EXTL3: variants seen among roughly 807,000 people sequenced by gnomAD.
EXTL3 encodes exostosin like glycosyltransferase 3, also known as exostosin-like 3.
In EXTL3, 27 loss-of-function variants were observed where a neutral mutation model predicts 69.3. The ratio of observed to expected loss-of-function variants is 0.39; its 90% CI spans 0.29 to 0.54. EXTL3 has a LOEUF of 0.54. EXTL3 is among the 20% of genes least tolerant of loss of function. The pLI is 0.69. For missense variants in EXTL3, 1,003 were observed against 1,231.8 expected, an observed-to-expected ratio of 0.81 and a Z score of 2.78; for synonymous variants, 511 against 499.4, an observed-to-expected ratio of 1.02 and a Z score of -0.31.
intron 2 of EXTL3, among the ~76,000 whole-genome samples, chr8:28,608,309 G>C (rs1159904160): frequency 6.6e-6 from 1 of 151,982 alleles, no homozygotes; most frequent in African/African-American, 2.4e-5. Flanking sequence ...TAGTGAGCTT[G>C]TGCATTTAGG....
At chr8:28,683,679 A>G (rs1403559255) in intron 1 of EXTL3, among the ~76,000 whole-genome samples, 4 of 152,134 alleles carry the variant, frequency 2.6e-5, no homozygotes, top group Non-Finnish European at 2.9e-5. Flanking sequence ...GCGTAGTGGC[A>G]CGCGCCTGTA....
chr8:28,724,639 A>G lies in EXTL3; in HGVS notation c.2148+6432A>G, dbSNP rs574392999. 5.9e-5 allele frequency among the ~76,000 whole-genome samples: 9 copies of G among 152,122 alleles called. No homozygotes were observed. The South Asian group carries it at 1.7e-3, about 28-fold the overall frequency. ...AAAAAGAAGAAGAAAAAAAGAAAAAAAAATACAAAAATTAGCCAGGTGCAG... is the reference window on the plus strand; with the variant it reads ...AAAAAGAAGAAGAAAAAAAGAAAAAGAAATACAAAAATTAGCCAGGTGCAG... On this transcript the variant is annotated intron_variant, in intron 3 of 6. Transcript: ENST00000220562.
chr8:28,723,649 T>G lies in EXTL3; in HGVS notation c.2148+5442T>G, dbSNP rs1270798315. ...ATGAGGGCTCAGGACTGTTTTTTTTTTTTTTTTTTTGAGACAGAGTCTCAC... is the reference window on the plus strand; with the variant it reads ...ATGAGGGCTCAGGACTGTTTTTTTTGTTTTTTTTTTGAGACAGAGTCTCAC... On this transcript the variant is annotated intron_variant, in intron 3 of 6. Transcript: ENST00000220562. 2.6e-5 allele frequency among the ~76,000 whole-genome samples: 4 copies of G among 151,020 alleles called. No homozygotes were observed. In the East Asian group the frequency reaches 7.8e-4, roughly 29 times the overall value.
At chr8:28,654,794 A>G (rs1806979931) in intron 1 of EXTL3, among the ~76,000 whole-genome samples, 1 of 152,204 alleles carries the variant, frequency 6.6e-6, no homozygotes, top group African/African-American at 2.4e-5. Context: ...GTAATTCTGC[A>G]AACATTCAAA....
At chr8:28,686,893 C>A (rs1351905955) in intron 1 of EXTL3, among the ~76,000 whole-genome samples, 1 of 152,150 alleles carries the variant, frequency 6.6e-6, no homozygotes, top group Non-Finnish European at 1.5e-5. Context: ...GAGGTTAAGT[C>A]ACTTGACCAA....
intron 1 of EXTL3, among the ~76,000 whole-genome samples, chr8:28,673,599 ATGG>A (rs778318338): frequency 0.016 from 2,378 of 152,268 alleles, 33 homozygotes; most frequent in Middle Eastern, 0.027. Context: ...AAGGCTGGTC[ATGG>A]GACTTACTAT....
chr8:28,693,203 G>A (rs1290905086), intron 1 of EXTL3, among the ~76,000 whole-genome samples: 1 of 148,862 alleles, frequency 6.7e-6, no homozygotes, highest in African/African-American at 2.5e-5. Flanking sequence ...AGGCTGGAGT[G>A]CAATGGCATA....
At chr8:28,638,363 C>T (rs1046978243) in intron 1 of EXTL3, among the ~76,000 whole-genome samples, 1 of 152,200 alleles carries the variant, frequency 6.6e-6, no homozygotes, top group African/African-American at 2.4e-5. Context: ...AAAGGAAATG[C>T]ATTATTTCAT....
At chr8:28,683,957 G>C (rs987164853) in intron 1 of EXTL3, among the ~76,000 whole-genome samples, 1 of 151,472 alleles carries the variant, frequency 6.6e-6, no homozygotes, top group Non-Finnish European at 1.5e-5. Context: ...GGTAACCATT[G>C]TTGTTCTACT....
chr8:28,702,450 G>A lies in EXTL3; in HGVS notation c.-570+791G>A, dbSNP rs569247614. On this transcript the variant is annotated intron_variant, in intron 1 of 6. Coordinates refer to ENST00000220562, the MANE Select transcript of EXTL3 (RefSeq NM_001440.4). ...GGCGAGCCAGGGCTGCCCGGCTGCT[G>A]ATGGGTGCTGCTTTCTCTTCCCCAC... Among the ~76,000 whole-genome samples the A allele has an allele frequency of 4.6e-5, 7 of 152,358 alleles. No individual in the cohort carries two copies. In the East Asian group the frequency reaches 1.3e-3, roughly 29 times the overall value.
intron 1 of EXTL3, among the ~76,000 whole-genome samples, chr8:28,627,333 T>C (rs908042252): frequency 6.6e-6 from 1 of 151,890 alleles, no homozygotes; most frequent in Non-Finnish European, 1.5e-5. Context: ...TACAAAAATA[T>C]ACAAAAATTA....
chr8:28,722,751 G>A (rs1242767399), intron 3 of EXTL3, among the ~76,000 whole-genome samples: 1 of 148,932 alleles, frequency 6.7e-6, no homozygotes, highest in Non-Finnish European at 1.5e-5. Flanking sequence ...TCCAGCCTGG[G>A]TGATAGAGGG....
intron 1 of EXTL3, among the ~76,000 whole-genome samples, chr8:28,695,429 A>G (rs1800671646): frequency 6.6e-6 from 1 of 152,222 alleles, no homozygotes; most frequent in African/African-American, 2.4e-5. Context: ...GTAAGGCTAC[A>G]TAAGCAATCA....
intron 3 of EXTL3, among the ~76,000 whole-genome samples, chr8:28,724,754 C>T (rs921273836): frequency 5.3e-5 from 8 of 152,116 alleles, no homozygotes; most frequent in African/African-American, 1.9e-4. Context: ...GAGCCGAGAT[C>T]GTGCCACTGC....
In EXTL3 at chr8:28,743,304, C is replaced by CA. The variant is rs1801817980; in HGVS notation, c.2550+91dup. Reference sequence around the variant, plus strand: ...TGCAGCACGTAACTGCACTGTACCTCAGAGTCCTCATTTGTACAATAGGGA... The same window carrying CA: ...TGCAGCACGTAACTGCACTGTACCTCAAGAGTCCTCATTTGTACAATAGGGA... On this transcript the variant is annotated intron_variant, in intron 6 of 6. Transcript: ENST00000220562. 2.1e-6 allele frequency: 3 copies of CA among 1,411,332 alleles called. No homozygotes were observed. In the Admixed American group the frequency reaches 5.0e-5, roughly 24 times the overall value. 87.4% of individuals were successfully genotyped at this position (1,411,332 alleles called of 1,614,324 possible).
chr8:28,647,530 G>A (rs929012429), intron 1 of EXTL3, among the ~76,000 whole-genome samples: 6 of 152,136 alleles, frequency 3.9e-5, no homozygotes, highest in Non-Finnish European at 7.3e-5. Context: ...CATCAGAGAG[G>A]TTATGTTAAG....
intron 1 of EXTL3, among the ~76,000 whole-genome samples, chr8:28,706,296 G>T (rs76969293): frequency 0.015 from 2,211 of 152,156 alleles, 44 homozygotes; most frequent in African/African-American, 0.051. Flanking sequence ...TCTTACAAAT[G>T]GCAAATTACT....
rs1350913218 is a variant in EXTL3, at chr8:28,752,109, A to G, written c.*1243A>G. On this transcript the variant is annotated 3_prime_UTR_variant, in exon 7 of 7. Coordinates refer to ENST00000220562, the MANE Select transcript of EXTL3 (RefSeq NM_001440.4). ...CCGAGGTTTGGTATGTGCTAGAACA[A>G]TGGGAGGCTGTGATTTGCTGTGTAA... 1.3e-5 allele frequency: 2 copies of G among 152,342 alleles called. No homozygotes were observed. The highest frequency in any genetic ancestry group is 4.8e-5 in the African/African-American group (2 of 41,572). 9.4% of individuals were successfully genotyped at this position (152,342 alleles called of 1,614,324 possible). A position where few individuals can be genotyped will look rare whatever the true frequency, so the allele number is the denominator to read the frequency against.
intron 3 of EXTL3, among the ~76,000 whole-genome samples, chr8:28,725,245 C>T (rs1017150609): frequency 8.5e-5 from 13 of 152,070 alleles, no homozygotes; most frequent in African/African-American, 3.1e-4. Flanking sequence ...TTCCAGGCCA[C>T]GATTGCTGTC....
Sources: allele counts gnomAD v4.1 joint callset (sites outside exome capture counted in the v4.1 genomes callset), GRCh38; gene constraint gnomAD v4.1.1; transcripts MANE v1.5; gene names NCBI Gene and HGNC (gene_info 2026-07-23, HGNC 2026-07-21).